The following OSBPL6 variants were observed in gnomAD, a reference collection of about 807,000 sequenced individuals.
OSBPL6 encodes oxysterol binding protein like 6.
Under a neutral mutation model 125.8 loss-of-function variants are expected in OSBPL6, and 49 were observed. That is an observed-to-expected ratio of 0.39 (90% CI 0.31 to 0.49). The LOEUF is 0.49. Ranked by LOEUF, OSBPL6 falls within the 20% of genes least tolerant of loss-of-function variation. The pLI, the probability that OSBPL6 is intolerant of heterozygous loss-of-function variation, is 0.88. For missense variants in OSBPL6, 986 were observed against 1,135.4 expected (o/e 0.87, Z 1.89); for synonymous variants, 394 against 391.8 (o/e 1.01, Z -0.07).
In OSBPL6 at chr2:178,382,593, A is replaced by ACCCCACCCC. The variant is rs1403151148; in HGVS notation, c.1621+87_1621+88insCCCACCCCC. 3 of 1,515,464 alleles carry ACCCCACCCC rather than the reference A, an allele frequency of 2.0e-6. No individual in the cohort carries two copies. The African/African-American group carries it at 4.5e-5, about 23-fold the overall frequency. The allele number at this position is 1,515,464 out of a possible 1,614,324, so 93.9% of individuals were successfully genotyped here. On this transcript the variant is annotated intron_variant, in intron 16 of 24. Coordinates refer to ENST00000190611, the MANE Select transcript of OSBPL6 (RefSeq NM_032523.4). ...TTAATGAACAGGCATTCCCCCTCCC[A>ACCCCACCCC]CGCCACCCCCACCCCTGCTAATTGT...
Position 178,324,278 on chromosome 2 carries a change from T to C in OSBPL6, c.195+9T>C. The C allele has an allele frequency of 6.5e-7, 1 of 1,548,050 alleles. No homozygotes were observed. The highest frequency in any genetic ancestry group is 8.8e-7 in the Non-Finnish European group (1 of 1,135,880). ...CAGTCCCCCTCTCCAAGGTCAGTGA[T>C]GAAATGCGGTGCTTTCTCTGCTGGC... On this transcript the variant is annotated intron_variant, in intron 4 of 24. Transcript: ENST00000190611.
At position 178,239,639 on chromosome 2, in the gene OSBPL6, TA is replaced by T. The variant is rs1465438130; in HGVS notation, c.-351+44966del. On this transcript the variant is annotated intron_variant, in intron 1 of 24. Coordinates refer to ENST00000190611, the MANE Select transcript of OSBPL6 (RefSeq NM_032523.4). ...TTATTTATTTATTTATTTATTTATT[TA>T]TTTGCGATGGAGTCTCGCTCTGTCG... Among the ~76,000 whole-genome samples, 5 of 148,850 alleles carry T rather than the reference TA, an allele frequency of 3.4e-5. No individual in the cohort carries two copies. The East Asian group carries it at 9.7e-4, about 29-fold the overall frequency.
Position 178,392,394 on chromosome 2 carries a change from T to G in OSBPL6, c.2447-18T>G. 1 of 1,613,510 alleles carries G rather than the reference T, an allele frequency of 6.2e-7. No homozygotes were observed. Among genetic ancestry groups the G allele is most frequent in the Non-Finnish European group, 8.5e-7 (1 of 1,179,508 alleles). ...TAAACCTTCTGCCTCTCACAGTGGT[T>G]CATTGGCCTCTTTCCAGGTTCCATG... On this transcript the variant is annotated intron_variant, in intron 22 of 24. Transcript: ENST00000190611.
chr2:178,249,827 GT>G (rs34986231), intron 1 of OSBPL6, among the ~76,000 whole-genome samples: 41,036 of 119,176 alleles, frequency 0.34, 4,516 homozygotes, highest in African/African-American at 0.38. Flanking sequence ...AACTAGAAGT[GT>G]TTTTTTTTTT....
intron 2 of OSBPL6, among the ~76,000 whole-genome samples, chr2:178,285,800 A>G (rs1006323384): frequency 3.3e-5 from 5 of 152,176 alleles, no homozygotes; most frequent in African/African-American, 1.2e-4. Context: ...TGTGGCATTA[A>G]TCGTCTTCGG....
At chr2:178,199,556 G>C (rs926230705) in intron 1 of OSBPL6, among the ~76,000 whole-genome samples, 1 of 151,688 alleles carries the variant, frequency 6.6e-6, no homozygotes, top group Admixed American at 6.6e-5. Flanking sequence ...AAATGTCATG[G>C]GGAGCCTCTG....
At chr2:178,208,705 C>T (rs963899590) in intron 1 of OSBPL6, among the ~76,000 whole-genome samples, 50 of 138,254 alleles carry the variant, frequency 3.6e-4, no homozygotes, top group African/African-American at 1.2e-3. Context: ...CATTTCCTTC[C>T]CCTCCCATCC....
intron 13 of OSBPL6, among the ~76,000 whole-genome samples, chr2:178,367,867 TCCTC>T (rs960278080): frequency 2.6e-5 from 4 of 152,176 alleles, no homozygotes; most frequent in Non-Finnish European, 5.9e-5. Context: ...TCAAGGTGCT[TCCTC>T]CCTGTTAGGC....
rs376718500 is a variant in OSBPL6, at chr2:178,265,191, C to CTTTTTTTTTTTTT, written c.-350-19710_-350-19698dup. Reference sequence around the variant, plus strand: ...GTCACTTCCCCTGGCCCAGACGAGACTTTTTTTTTTTTTTTTTTTTTTTTT... The same window carrying CTTTTTTTTTTTTT: ...GTCACTTCCCCTGGCCCAGACGAGACTTTTTTTTTTTTTTTTTTTTTTTTTTTTTTTTTTTTTT... On this transcript the variant is annotated intron_variant, in intron 1 of 24. Transcript: ENST00000190611. Among the ~76,000 whole-genome samples, 8 of 33,732 alleles carry CTTTTTTTTTTTTT rather than the reference C, an allele frequency of 2.4e-4. 4 individuals carry two copies. The highest frequency in any genetic ancestry group is 3.9e-4 in the Non-Finnish European group (6 of 15,222). The allele number at this position is 33,732 out of a possible 152,430, so 22.1% of individuals were successfully genotyped here. A position where few individuals can be genotyped will look rare whatever the true frequency, so the allele number is the denominator to read the frequency against.
Position 178,259,365 on chromosome 2 carries a change from C to CATTT in OSBPL6, c.-350-25560_-350-25557dup, listed in dbSNP as rs534346891. Among the ~76,000 whole-genome samples the CATTT allele has an allele frequency of 2.0e-5, 3 of 152,160 alleles. No homozygotes were observed. The South Asian group carries it at 6.3e-4, about 32-fold the overall frequency. On this transcript the variant is annotated intron_variant, in intron 1 of 24. Transcript: ENST00000190611. The stretch of plus-strand genomic sequence containing the variant: ...CTGATAATTGTAAAATCCAGAAAGC[C>CATTT]ATTTACCTGTCTCTTCATTTTTAAC...
intron 1 of OSBPL6, among the ~76,000 whole-genome samples, chr2:178,251,209 T>C (rs1313038299): frequency 2.6e-5 from 4 of 152,116 alleles, no homozygotes; most frequent in Non-Finnish European, 5.9e-5. Flanking sequence ...AAGAGCCAGA[T>C]TCCTGCTCTT....
At chr2:178,264,886 C>CT (rs779425479) in intron 1 of OSBPL6, among the ~76,000 whole-genome samples, 1,714 of 147,860 alleles carry the variant, frequency 0.012, 34 homozygotes, top group African/African-American at 0.039. Context: ...TACCAGGATA[C>CT]TTTTTTTTTT....
At chr2:178,226,261 C>T (rs966235785) in intron 1 of OSBPL6, among the ~76,000 whole-genome samples, 1 of 152,172 alleles carries the variant, frequency 6.6e-6, no homozygotes, top group African/African-American at 2.4e-5. Context: ...TGGAAGCCAG[C>T]GAGCAAGGGA....
intron 1 of OSBPL6, among the ~76,000 whole-genome samples, chr2:178,259,441 A>G (rs1464593229): frequency 7.2e-6 from 1 of 138,516 alleles, no homozygotes; most frequent in African/African-American, 2.8e-5. Flanking sequence ...AGAAATGATC[A>G]AAATAGTGGT....
chr2:178,274,410 A>G (rs1206071994), intron 1 of OSBPL6, among the ~76,000 whole-genome samples: 1 of 151,992 alleles, frequency 6.6e-6, no homozygotes, highest in Non-Finnish European at 1.5e-5. Flanking sequence ...CTTAAGTGCT[A>G]TATATAAATA....
At position 178,382,428 on chromosome 2, in the gene OSBPL6, T is replaced by A. The variant is rs746791287; in HGVS notation, c.1542T>A (p.Asp514Glu). ...SASSSENEAS[D>E]DESYISDVSD... The stretch of plus-strand genomic sequence containing the variant: ...GTTCTTCCCTTCCTTAGGCTTCAGA[T>A]GATGAGTCTTACATCAGTGATGTGA... Residue 514 changes from aspartate to glutamate, a missense_variant, in exon 16 of 25, where the codon GAT (aspartate) becomes GAA (glutamate). Around this residue, in one of 3 missense-constraint regions of OSBPL6, gnomAD observed 843 missense variants for 997.3 expected, o/e 0.85. Coordinates refer to ENST00000190611, the MANE Select transcript of OSBPL6 (RefSeq NM_032523.4). The A allele has an allele frequency of 6.2e-7, 1 of 1,604,986 alleles. No individual in the cohort carries two copies. Among genetic ancestry groups the A allele is most frequent in the Admixed American group, 1.7e-5 (1 of 58,802 alleles).
chr2:178,225,003 TTCTCTCTCTCTC>T (rs10679680), intron 1 of OSBPL6, among the ~76,000 whole-genome samples: 18 of 148,442 alleles, frequency 1.2e-4, no homozygotes, highest in Admixed American at 1.2e-3. Flanking sequence ...CTCTCTCTCT[TTCTCTCTCTCTC>T]TCTCTCTCTC....
chr2:178,374,903 T>C (rs962311156), intron 15 of OSBPL6, among the ~76,000 whole-genome samples: 5 of 152,202 alleles, frequency 3.3e-5, no homozygotes, highest in African/African-American at 1.2e-4. Context: ...TGAATACATA[T>C]CATTTTTATA....
chr2:178,385,627 C>T, intron 19 of OSBPL6, 106 bp downstream of exon 19: 1 of 855,284 alleles, frequency 1.2e-6, no homozygotes, highest in Non-Finnish European at 1.8e-6. Context: ...CTTTGGAACT[C>T]AGCAAATGTT....
Sources: allele counts gnomAD v4.1 joint callset (sites outside exome capture counted in the v4.1 genomes callset), GRCh38; gene constraint gnomAD v4.1.1; regional missense constraint gnomAD v4.1.1; transcripts MANE v1.5; gene names NCBI Gene and HGNC (gene_info 2026-07-23, HGNC 2026-07-21).